TICRR: variants seen among roughly 807,000 people sequenced by gnomAD.
The protein encoded by TICRR is TOPBP1 interacting checkpoint and replication regulator.
TICRR carries 132 observed loss-of-function variants against 178.1 expected under a neutral mutation model. That is an observed-to-expected ratio of 0.74 (90% CI 0.64 to 0.86). The LOEUF is 0.86. TICRR is among the 40% of genes least tolerant of loss of function. The pLI, the probability that TICRR is intolerant of heterozygous loss-of-function variation, is 0.00. For missense variants in TICRR, 2,587 were observed against 2,334.3 expected, an observed-to-expected ratio of 1.11 and a Z score of -2.23; for synonymous variants, 991 against 900.7, an observed-to-expected ratio of 1.10 and a Z score of -1.79.
In TICRR at chr15:89,625,480, G is replaced by A. The variant is rs773809134; in HGVS notation, c.5170G>A (p.Gly1724Ser). Reference sequence around the variant, plus strand: ...GCTTGAGTCAGAGGGCAAGGACCACGGCCTTGAACTCAGCATCCACAGGAC... The same window carrying A: ...GCTTGAGTCAGAGGGCAAGGACCACAGCCTTGAACTCAGCATCCACAGGAC... ...SLLESEGKDH[G>S]LELSIHRTPI... is the part of the protein sequence containing the mutation. Residue 1724 changes from glycine to serine, a missense_variant, in exon 20 of 22, where the codon GGC becomes AGC. Transcript: ENST00000268138. 41 of 1,613,864 alleles carry A rather than the reference G, an allele frequency of 2.5e-5. No individual in the cohort carries two copies. The highest frequency in any genetic ancestry group is 1.1e-4 in the South Asian group (10 of 91,084).
intron 11 of TICRR, 55 bp downstream of exon 11, chr15:89,601,623 A>G (rs1963099381): frequency 6.2e-7 from 1 of 1,608,044 alleles, no homozygotes; most frequent in Admixed American, 1.7e-5. Context: ...AAACCTATGT[A>G]TGGTGTTGTC....
chr15:89,617,718 A>C (rs1424328307), intron 16 of TICRR, among the ~76,000 whole-genome samples: 4 of 135,138 alleles, frequency 3.0e-5, no homozygotes, highest in Non-Finnish European at 6.2e-5. Context: ...TTTGAGACAG[A>C]GTCTAGCTCT....
rs772836864 is a variant in TICRR, at chr15:89,624,623, G to A, written c.4313G>A (p.Arg1438Gln). ...SLSPQSPPER[R>Q]GYPGPGLRSD... ...TCTCCTCAGTCTCCTCCTGAAAGAC[G>A]GGGCTACCCAGGCCCTGGTCTCAGG... The change falls in exon 20 of 22, where the codon CGG (arginine) becomes CAG (glutamine). Residue 1438 changes from arginine (R) to glutamine (Q), a missense_variant. Transcript: ENST00000268138. 11 of 1,613,848 alleles carry A rather than the reference G, an allele frequency of 6.8e-6. No homozygotes were observed. The highest frequency in any genetic ancestry group is 4.0e-5 in the African/African-American group (3 of 74,926).
intron 1 of TICRR, among the ~76,000 whole-genome samples, chr15:89,580,557 C>G (rs908000596): frequency 6.6e-6 from 1 of 152,188 alleles, no homozygotes; most frequent in Non-Finnish European, 1.5e-5. Context: ...TCTAATACAG[C>G]ATTTTCCAGA....
intron 16 of TICRR, among the ~76,000 whole-genome samples, chr15:89,617,038 G>T (rs79880005): frequency 1.3e-4 from 20 of 152,278 alleles, no homozygotes; most frequent in African/African-American, 4.8e-4. Flanking sequence ...CAGTCTAGGG[G>T]TGTAGGCAGC....
Position 89,624,898 on chromosome 15 carries a change from G to A in TICRR, c.4588G>A (p.Asp1530Asn). 2.5e-6 allele frequency: 4 copies of A among 1,614,154 alleles called. No homozygotes were observed. Among genetic ancestry groups the A allele is most frequent in the Non-Finnish European group, 3.4e-6 (4 of 1,180,026 alleles). ...MPSRDVHCTT[D>N]GRQCQASAQL... ...TTCCCGTGACGTGCACTGTACCACA[G>A]ATGGGAGACAGTGCCAGGCTTCGGC... Residue 1530 changes from aspartate to asparagine, a missense_variant, in exon 20 of 22, where the codon GAT becomes AAT. Asp to Asn is a conservative substitution (Grantham distance 23). Transcript: ENST00000268138.
intron 16 of TICRR, among the ~76,000 whole-genome samples, chr15:89,617,751 G>A (rs1045786059): frequency 1.4e-4 from 21 of 150,456 alleles, no homozygotes; most frequent in Admixed American, 8.6e-4. Flanking sequence ...GAGTGCAGTG[G>A]CGCGATCCTG....
At chr15:89,581,676 C>G (rs1183213813) in intron 1 of TICRR, among the ~76,000 whole-genome samples, 1 of 152,068 alleles carries the variant, frequency 6.6e-6, no homozygotes, top group African/African-American at 2.4e-5. Flanking sequence ...ATAATGTGTT[C>G]CAAAAGGTGG....
At chr15:89,593,445 C>T (rs1962945984) in intron 5 of TICRR, among the ~76,000 whole-genome samples, 1 of 152,064 alleles carries the variant, frequency 6.6e-6, no homozygotes, top group Non-Finnish European at 1.5e-5. Context: ...TGGCTCACAC[C>T]CGTAACCCCA....
chr15:89,626,969 T>C lies in TICRR; in HGVS notation c.5616T>C (p.Asp1872=), dbSNP rs1963539983. ...ACCTTCTTCTAGATGAGGATGTGGA[T>C]GTTCTTCCCTCCACTGTAGAAGACT... ...QSKDPRDEDV[D]VLPSTVEDSP... Residue 1872 remains aspartate, a synonymous_variant, in exon 22 of 22, where the codon GAT becomes GAC. Transcript: ENST00000268138. 1 of 1,614,122 alleles carries C rather than the reference T, an allele frequency of 6.2e-7. No individual in the cohort carries two copies. Among genetic ancestry groups the C allele is most frequent in the African/African-American group, 1.3e-5 (1 of 75,050 alleles).
intron 6 of TICRR, among the ~76,000 whole-genome samples, 183 bp from the exon 7 acceptor site, chr15:89,595,210 G>T (rs1007965423): frequency 1.3e-5 from 2 of 152,220 alleles, no homozygotes; most frequent in Non-Finnish European, 1.5e-5. Context: ...TCGGTTAAAA[G>T]AAAGGTTCTC....
At position 89,624,070 on chromosome 15, in the gene TICRR, G is replaced by A. The variant is rs1963469181; in HGVS notation, c.3760G>A (p.Ala1254Thr). Reference sequence around the variant, plus strand: ...AGACCCTCTCAGAACACCTCCGAGAGCAGCAGCCTTCATGGGCACGCCTCA... The same window carrying A: ...AGACCCTCTCAGAACACCTCCGAGAACAGCAGCCTTCATGGGCACGCCTCA... ...IRDPLRTPPR[A>T]AAFMGTPQNQ... The change falls in exon 20 of 22, where the codon GCA (alanine) becomes ACA (threonine). Residue 1254 changes from alanine to threonine, a missense_variant. Physicochemically the swap from Ala to Thr is moderately conservative, Grantham distance 58 (BLOSUM62 0). Transcript: ENST00000268138. The A allele has an allele frequency of 1.9e-6, 3 of 1,613,882 alleles. No individual in the cohort carries two copies. Among genetic ancestry groups the A allele is most frequent in the Admixed American group, 1.7e-5 (1 of 60,008 alleles).
Position 89,625,550 on chromosome 15 carries a change from C to T in TICRR, c.5240C>T (p.Pro1747Leu). The T allele has an allele frequency of 6.2e-7, 1 of 1,613,310 alleles. No individual in the cohort carries two copies. Among genetic ancestry groups the T allele is most frequent in the Non-Finnish European group, 8.5e-7 (1 of 1,180,000 alleles). ...DFELEGVCQL[P>L]DQSPPRNSMP... is the part of the protein sequence containing the mutation. ...GAGCTCGAGGGAGTGTGCCAGCTCC[C>T]AGACCAGTCGCCTCCCAGGAACAGC... The change falls in exon 20 of 22, where the codon CCA becomes CTA. Residue 1747 changes from proline to leucine, a missense_variant. Transcript: ENST00000268138.
At chr15:89,623,054 C>G (rs1213140858) in intron 19 of TICRR, among the ~76,000 whole-genome samples, 1 of 152,200 alleles carries the variant, frequency 6.6e-6, no homozygotes, top group African/African-American at 2.4e-5. Context: ...ATTTCCTTAC[C>G]TGTTGGAGCT....
In TICRR at chr15:89,576,003, G is replaced by C. The variant is rs574767682; in HGVS notation, c.417G>C (p.Glu139Asp). The change falls in exon 1 of 22, where the codon GAG becomes GAC. Residue 139 changes from glutamate to aspartate, a missense_variant. By Grantham distance (45) the Glu-to-Asp change is conservative (BLOSUM62 2). Coordinates refer to ENST00000268138, the MANE Select transcript of TICRR (RefSeq NM_152259.4). Reference sequence around the variant, plus strand: ...GGAGACTGCTGGACGTGGAGAGCGAGGCCAAGGAGGCCGAGGCCGCGCTCG... The same window carrying C: ...GGAGACTGCTGGACGTGGAGAGCGACGCCAAGGAGGCCGAGGCCGCGCTCG... The part of the protein sequence containing the change: ...SGRRLLDVES[E>D]AKEAEAALGG... 2.5e-6 allele frequency: 4 copies of C among 1,607,648 alleles called. No individual in the cohort carries two copies. Among genetic ancestry groups the C allele is most frequent in the Non-Finnish European group, 3.4e-6 (4 of 1,178,096 alleles).
At chr15:89,613,567 C>T (rs576833979) in intron 15 of TICRR, among the ~76,000 whole-genome samples, 50 of 152,292 alleles carry the variant, frequency 3.3e-4, no homozygotes, top group African/African-American at 1.2e-3. Context: ...TTGATGGTGT[C>T]ACAAGTATCT....
At position 89,585,708 on chromosome 15, in the gene TICRR, G is replaced by A. The variant is rs1284547255; in HGVS notation, c.1177G>A (p.Val393Ile). ...SRLTAEELHL[V>I]ADVDPGEGRP... ...CAACTAATTAGGGCTTCTCACGTAG[G>A]TTGCTGATGTGGACCCTGGTGAAGG... The change falls in exon 4 of 22, where the codon GTT (valine) becomes ATT (isoleucine). Residue 393 changes from valine to isoleucine, a missense_variant and splice_region_variant. Coordinates refer to ENST00000268138, the MANE Select transcript of TICRR (RefSeq NM_152259.4). The A allele has an allele frequency of 1.9e-6, 3 of 1,611,560 alleles. No homozygotes were observed. Among genetic ancestry groups the A allele is most frequent in the Non-Finnish European group, 2.5e-6 (3 of 1,177,710 alleles).
chr15:89,590,129 A>C (rs1962886204), intron 4 of TICRR, among the ~76,000 whole-genome samples: 1 of 152,094 alleles, frequency 6.6e-6, no homozygotes. Context: ...AAAGATAGGG[A>C]ACTATATCAT....
chr15:89,601,733 A>G lies in TICRR; in HGVS notation c.2328-4A>G, dbSNP rs752060793. The G allele has an allele frequency of 1.2e-5, 20 of 1,614,044 alleles. No homozygotes were observed. Among genetic ancestry groups the G allele is most frequent in the Admixed American group, 1.7e-5 (1 of 60,006 alleles). On this transcript the variant is annotated splice_polypyrimidine_tract_variant and splice_region_variant and intron_variant, in intron 11 of 21. Coordinates refer to ENST00000268138, the MANE Select transcript of TICRR (RefSeq NM_152259.4). ...GTTCCGTATTCGATCAATCTGTTCC[A>G]CAGGTATATTGACTCTATCCCAAAG... is the stretch of plus-strand genomic sequence containing the variant.
Sources: gnomAD v4.1 joint callset for allele counts (sites outside exome capture counted in the v4.1 genomes callset) on GRCh38, gnomAD v4.1.1 for gene constraint, MANE v1.5 for transcripts, NCBI Gene and HGNC (gene_info 2026-07-23, HGNC 2026-07-21) for gene names.